DMTF1: variants seen among roughly 807,000 people sequenced by gnomAD.
The protein encoded by DMTF1 is cyclin-D-binding Myb-like transcription factor 1.
In DMTF1, 39 loss-of-function variants were observed where a neutral mutation model predicts 91.1. The ratio of observed to expected loss-of-function variants is 0.43; its 90% CI spans 0.33 to 0.56. DMTF1 has a LOEUF of 0.56. Among genes scored for constraint, DMTF1 ranks in the 20% least tolerant of loss-of-function variants. The pLI, the probability that DMTF1 is intolerant of heterozygous loss-of-function variation, is 0.05. For missense variants in DMTF1, 750 were observed against 914.5 expected (o/e 0.82, Z 2.32); for synonymous variants, 338 against 309.5 (o/e 1.09, Z -0.97).
chr7:87,161,300 C>G (rs2129057087), intron 1 of DMTF1, among the ~76,000 whole-genome samples: 1 of 152,258 alleles, frequency 6.6e-6, no homozygotes, highest in African/African-American at 2.4e-5. Context: ...GAGTTCGAGA[C>G]CAGCCTGGTC....
chr7:87,193,536 G>A, intron 15 of DMTF1, 183 bp downstream of exon 15: 1 of 803,828 alleles, frequency 1.2e-6, no homozygotes, highest in Non-Finnish European at 2.0e-6. Flanking sequence ...CTTTATGTAA[G>A]ATGGCTATAC....
intron 7 of DMTF1, among the ~76,000 whole-genome samples, chr7:87,178,413 T>A (rs976200518): frequency 5.3e-5 from 8 of 152,184 alleles, no homozygotes; most frequent in African/African-American, 1.7e-4. Flanking sequence ...TTGGTTTTTT[T>A]AAAAATCTGA....
At chr7:87,153,460 GCC>G (rs1789847580) in intron 1 of DMTF1, among the ~76,000 whole-genome samples, 1 of 152,150 alleles carries the variant, frequency 6.6e-6, no homozygotes, top group Admixed American at 6.5e-5. Context: ...AGTAGAAGTG[GCC>G]AAGTGCCCTT....
At chr7:87,172,524 C>G (rs1335194381) in intron 5 of DMTF1, among the ~76,000 whole-genome samples, 1 of 152,194 alleles carries the variant, frequency 6.6e-6, no homozygotes, top group East Asian at 1.9e-4. Context: ...TATCTCTTTC[C>G]AAGAGAGATG....
chr7:87,179,256 C>G (rs1796867185), intron 7 of DMTF1, among the ~76,000 whole-genome samples: 1 of 151,494 alleles, frequency 6.6e-6, no homozygotes, highest in Admixed American at 6.6e-5. Flanking sequence ...TTGTGATTTT[C>G]TTCCTTCTGC....
intron 1 of DMTF1, among the ~76,000 whole-genome samples, chr7:87,157,692 C>G (rs1791118218): frequency 6.6e-6 from 1 of 151,892 alleles, no homozygotes; most frequent in African/African-American, 2.4e-5. Flanking sequence ...ATAACAGATC[C>G]AAGAGTTATT....
In DMTF1 at chr7:87,160,310, C is replaced by T. The variant is rs866272983; in HGVS notation, c.-131-3185C>T. Among the ~76,000 whole-genome samples, 29 of 149,192 alleles carry T rather than the reference C, an allele frequency of 1.9e-4. 1 individual carries two copies. The highest frequency in any genetic ancestry group is 2.5e-4 in the Non-Finnish European group (17 of 67,510). ...TTTTTTTTTGACGAAGTCTCACTCT[C>T]GTCCTCCAGGCTGGAGTGCAATGGG... On this transcript the variant is annotated intron_variant, in intron 1 of 17. Coordinates refer to ENST00000331242, the MANE Select transcript of DMTF1 (RefSeq NM_001142327.2).
intron 12 of DMTF1, 129 bp downstream of exon 12, chr7:87,186,109 T>C: frequency 1.1e-6 from 1 of 941,048 alleles, no homozygotes; most frequent in South Asian, 1.7e-5. Context: ...ACCACTTCCC[T>C]GTTTCTCTCA....
rs773202655 is a variant in DMTF1, at chr7:87,181,299, G to T, written c.678-10G>T. Reference sequence around the variant, plus strand: ...TAATTGATTTTTTAAAAATTTCTCTGAATTTCTAGATATACACCTGAAGAA... The same window carrying T: ...TAATTGATTTTTTAAAAATTTCTCTTAATTTCTAGATATACACCTGAAGAA... On this transcript the variant is annotated splice_polypyrimidine_tract_variant and intron_variant, in intron 8 of 17. Transcript: ENST00000331242. 2 of 1,234,640 alleles carry T rather than the reference G, an allele frequency of 1.6e-6. No individual in the cohort carries two copies. The highest frequency in any genetic ancestry group is 2.1e-4 in the Middle Eastern group (1 of 4,828). The allele number at this position is 1,234,640 out of a possible 1,614,324, so 76.5% of individuals were successfully genotyped here.
intron 11 of DMTF1, 148 bp downstream of exon 11, chr7:87,184,773 A>G (rs1043760267): frequency 1.3e-6 from 1 of 756,848 alleles, no homozygotes. Context: ...TAAGTATTTC[A>G]TATTGAGCTC....
intron 4 of DMTF1, among the ~76,000 whole-genome samples, chr7:87,169,771 C>G (rs919438482): frequency 3.9e-5 from 6 of 152,164 alleles, no homozygotes; most frequent in Non-Finnish European, 7.3e-5. Context: ...GAAAACATTC[C>G]TCTGGTTTTC....
At chr7:87,191,906 T>C (rs1799892531) in intron 14 of DMTF1, among the ~76,000 whole-genome samples, 2 of 152,266 alleles carry the variant, frequency 1.3e-5, no homozygotes, top group African/African-American at 4.8e-5. Context: ...CACAGAGTTA[T>C]TATTAGTGCA....
At chr7:87,174,509 A>G (rs1251353431) in intron 6 of DMTF1, 84 bp from the exon 7 acceptor site, 2 of 930,012 alleles carry the variant, frequency 2.2e-6, no homozygotes, top group East Asian at 2.6e-5. Flanking sequence ...CCCCAAATAT[A>G]ATTTAATCAC....
At chr7:87,154,468 T>G (rs1402625406) in intron 1 of DMTF1, 2 of 152,692 alleles carry the variant, frequency 1.3e-5, no homozygotes, top group African/African-American at 4.8e-5. Flanking sequence ...TTTAATTGGT[T>G]GCAGTTGAGC....
intron 8 of DMTF1, among the ~76,000 whole-genome samples, chr7:87,180,809 A>G (rs1797163740): frequency 1.3e-5 from 2 of 151,520 alleles, no homozygotes; most frequent in African/African-American, 4.9e-5. Context: ...TAACTAAAAA[A>G]TATTTACTGT....
chr7:87,184,990 C>G (rs982036820), intron 11 of DMTF1: 1 of 435,080 alleles, frequency 2.3e-6, no homozygotes, highest in African/African-American at 2.0e-5. Flanking sequence ...GAGGGCTGTT[C>G]AGTCTCCATG....
intron 4 of DMTF1, among the ~76,000 whole-genome samples, chr7:87,168,454 G>A (rs1360350176): frequency 6.6e-6 from 1 of 152,064 alleles, no homozygotes; most frequent in Non-Finnish European, 1.5e-5. Flanking sequence ...CTCACTTCCT[G>A]TAGGGCTCTA....
At chr7:87,182,179 A>G (rs1667276068) in intron 9 of DMTF1, 49 bp from the exon 10 acceptor site, 2 of 1,613,166 alleles carry the variant, frequency 1.2e-6, no homozygotes, top group Non-Finnish European at 1.7e-6. Context: ...TGAAATTAAA[A>G]GGGAGAAAAC....
intron 4 of DMTF1, among the ~76,000 whole-genome samples, chr7:87,168,498 G>C (rs1794340439): frequency 6.6e-6 from 1 of 152,080 alleles, no homozygotes; most frequent in South Asian, 2.1e-4. Flanking sequence ...GGGCCCCATT[G>C]ATCCTGTTAC....
Sources: gnomAD v4.1 joint callset for allele counts (sites outside exome capture counted in the v4.1 genomes callset) on GRCh38, gnomAD v4.1.1 for gene constraint, MANE v1.5 for transcripts, NCBI Gene and HGNC (gene_info 2026-07-23, HGNC 2026-07-21) for gene names.